Variants in CDH18 observed in about 807,000 individuals in gnomAD.
CDH18 encodes the protein cadherin 18.
A neutral mutation model predicts 67.9 loss-of-function variants in CDH18; 31 were observed. The observed-to-expected ratio is 0.46, with a 90% CI of 0.34 to 0.62. The LOEUF (loss-of-function observed/expected upper bound fraction) is 0.62, where lower values mean the gene tolerates loss of function less well. CDH18 is among the 20% of genes least tolerant of loss of function. The pLI is 0.01. For synonymous variants in CDH18, 362 were observed against 347.2 expected (o/e 1.04, Z -0.48); for missense variants, 890 against 975.5 (o/e 0.91, Z 1.17).
chr5:20,343,075 AAACAC>A (rs1561988936), intron 1 of CDH18, among the ~76,000 whole-genome samples: 2 of 152,182 alleles, frequency 1.3e-5, no homozygotes, highest in African/African-American at 4.8e-5. Context: ...TAAAATATTT[AAACAC>A]AATGGGAATA....
intron 12 of CDH18, among the ~76,000 whole-genome samples, chr5:19,481,691 C>A (rs889591188): frequency 1.3e-5 from 2 of 152,218 alleles, no homozygotes; most frequent in African/African-American, 4.8e-5. Context: ...TTCTCCTTTC[C>A]AAGCTCATTA....
chr5:19,989,639 A>G (rs1268707134), upstream of CDH18, among the ~76,000 whole-genome samples: 1 of 152,226 alleles, frequency 6.6e-6, no homozygotes, highest in African/African-American at 2.4e-5. Flanking sequence ...CCTGAGAAAG[A>G]TCAAAGAGGT....
chr5:19,862,375 T>A (rs1255480678), intron 2 of CDH18, among the ~76,000 whole-genome samples: 2 of 152,188 alleles, frequency 1.3e-5, no homozygotes, highest in East Asian at 3.9e-4. Flanking sequence ...TAGGAAACTG[T>A]ATCAACTGTT....
intron 1 of CDH18, among the ~76,000 whole-genome samples, chr5:20,268,496 T>C (rs1228780373): frequency 6.6e-6 from 1 of 152,072 alleles, no homozygotes; most frequent in Non-Finnish European, 1.5e-5. Context: ...CTGGCACTGG[T>C]ATGTCAAGAT....
intron 2 of CDH18, among the ~76,000 whole-genome samples, chr5:20,216,292 C>T (rs901305075): frequency 1.3e-5 from 2 of 151,704 alleles, no homozygotes; most frequent in African/African-American, 4.8e-5. Context: ...AAAGACTTGC[C>T]CAATGCAAGT....
intron 2 of CDH18, among the ~76,000 whole-genome samples, chr5:19,994,808 T>C (rs1735832309): frequency 1.0e-5 from 1 of 95,792 alleles, no homozygotes; most frequent in Non-Finnish European, 2.0e-5. Context: ...CATGTGTGTC[T>C]CTGTGTGTAT....
chr5:20,212,962 T>C (rs1740470062), intron 2 of CDH18, among the ~76,000 whole-genome samples: 3 of 152,142 alleles, frequency 2.0e-5, no homozygotes, highest in Non-Finnish European at 4.4e-5. Context: ...AATAGCACTT[T>C]TCCTTCAAAA....
At chr5:19,848,868 G>T (rs1783317316) in intron 2 of CDH18, among the ~76,000 whole-genome samples, 1 of 148,934 alleles carries the variant, frequency 6.7e-6, no homozygotes, top group Non-Finnish European at 1.5e-5. Context: ...ATTTTATATA[G>T]GCTATATTAT....
chr5:19,954,505 C>G (rs1236637699), intron 2 of CDH18, among the ~76,000 whole-genome samples: 2 of 151,502 alleles, frequency 1.3e-5, no homozygotes, highest in East Asian at 3.9e-4. Flanking sequence ...GGAAAATAGC[C>G]CAATGAAATT....
chr5:20,145,313 A>G (rs1481749424), intron 2 of CDH18, among the ~76,000 whole-genome samples: 1 of 152,202 alleles, frequency 6.6e-6, no homozygotes, highest in Non-Finnish European at 1.5e-5. Context: ...TAAAAACATA[A>G]ATGTTGCAGA....
At chr5:20,059,990 G>C (rs1480785149) in intron 2 of CDH18, among the ~76,000 whole-genome samples, 2 of 152,010 alleles carry the variant, frequency 1.3e-5, no homozygotes, top group South Asian at 4.1e-4. Context: ...TGGGGGGCTA[G>C]GGGAGGGATA....
At chr5:19,593,118 C>A (rs1160626818) in intron 6 of CDH18, among the ~76,000 whole-genome samples, 1 of 152,004 alleles carries the variant, frequency 6.6e-6, no homozygotes, top group East Asian at 1.9e-4. Flanking sequence ...AATAATGCTG[C>A]AATAAACATA....
At chr5:19,744,093 C>A (rs1769628073) in intron 4 of CDH18, among the ~76,000 whole-genome samples, 1 of 151,806 alleles carries the variant, frequency 6.6e-6, no homozygotes, top group Admixed American at 6.6e-5. Context: ...ATTTGTTTTC[C>A]TATAGTAATG....
At chr5:20,303,697 C>A (rs1225460394) in intron 1 of CDH18, among the ~76,000 whole-genome samples, 6 of 151,968 alleles carry the variant, frequency 3.9e-5, no homozygotes, top group Non-Finnish European at 7.4e-5. Flanking sequence ...TGGCGGTGGA[C>A]CCCAAAACCC....
chr5:20,125,731 A>T (rs999664965), intron 2 of CDH18, among the ~76,000 whole-genome samples: 18 of 152,088 alleles, frequency 1.2e-4, no homozygotes, highest in Admixed American at 5.2e-4. Flanking sequence ...CCAAACTTTG[A>T]TTCTGTTGTT....
intron 5 of CDH18, among the ~76,000 whole-genome samples, chr5:19,623,539 G>A (rs1481518108): frequency 6.6e-6 from 1 of 151,986 alleles, no homozygotes; most frequent in African/African-American, 2.4e-5. Context: ...TTATCATATA[G>A]ACATATGATG....
chr5:19,488,201 T>C (rs1312549364), intron 11 of CDH18, among the ~76,000 whole-genome samples: 1 of 152,164 alleles, frequency 6.6e-6, no homozygotes, highest in Non-Finnish European at 1.5e-5. Flanking sequence ...GTCTTTAAAA[T>C]AGGTTTTGGG....
chr5:20,353,525 T>C (rs1282475819), intron 1 of CDH18, among the ~76,000 whole-genome samples: 1 of 152,178 alleles, frequency 6.6e-6, no homozygotes, highest in African/African-American at 2.4e-5. Flanking sequence ...ATATTCTGTT[T>C]AATTTACCAT....
At chr5:20,126,300 C>T (rs1254221523) in intron 2 of CDH18, among the ~76,000 whole-genome samples, 3 of 152,056 alleles carry the variant, frequency 2.0e-5, no homozygotes, top group African/African-American at 7.2e-5. Flanking sequence ...ACACAATATA[C>T]AAAAATTAGC....
Sources: allele counts gnomAD v4.1 joint callset (sites outside exome capture counted in the v4.1 genomes callset), GRCh38; gene constraint gnomAD v4.1.1; transcripts MANE v1.5; gene names NCBI Gene and HGNC (gene_info 2026-07-23, HGNC 2026-07-21).